Variants in FECH observed in about 807,000 individuals in gnomAD.
FECH encodes ferrochelatase.
In FECH, 40 loss-of-function variants were observed where a neutral mutation model predicts 56.9. That is an observed-to-expected ratio of 0.70 (90% CI 0.55 to 0.92). The LOEUF (loss-of-function observed/expected upper bound fraction) is 0.92. Ranked by LOEUF, FECH falls within the 40% of genes least tolerant of loss-of-function variation. FECH has a pLI of 0.00. For missense variants in FECH, 431 were observed against 529.1 expected (o/e 0.81, Z 1.82); for synonymous variants, 175 against 198.6 (o/e 0.88, Z 1.00).
At chr18:57,577,077 TAATA>T (rs1233064554) in intron 2 of FECH, among the ~76,000 whole-genome samples, 1 of 152,206 alleles carries the variant, frequency 6.6e-6, no homozygotes, top group African/African-American at 2.4e-5. Context: ...GCTTGTCAAT[TAATA>T]AACAATAATT....
intron 2 of FECH, among the ~76,000 whole-genome samples, chr18:57,574,954 A>G (rs569204709): frequency 6.6e-6 from 1 of 152,266 alleles, no homozygotes; most frequent in South Asian, 2.1e-4. Context: ...TTACCCCACA[A>G]AGAATCTTCG....
At chr18:57,551,659 T>C (rs1292950147) in intron 9 of FECH, among the ~76,000 whole-genome samples, 3 of 152,198 alleles carry the variant, frequency 2.0e-5, no homozygotes, top group African/African-American at 7.2e-5. Flanking sequence ...TTACACTTGA[T>C]GAAATTCTCA....
rs886053999 is a variant in FECH, at chr18:57,554,831, T to C, written c.912+14A>G. 1.6e-5 allele frequency: 25 copies of C among 1,607,886 alleles called. No homozygotes were observed. The African/African-American group carries it at 2.4e-4, about 15-fold the overall frequency. On this transcript the variant is annotated intron_variant, in intron 8 of 10. Transcript: ENST00000262093. Reference sequence around the variant, plus strand: ...AATAAGAGCTGGCCGCCCGCCAGTGTGGAAGCCACTTACCTTGGATTGCCA... The same window carrying C: ...AATAAGAGCTGGCCGCCCGCCAGTGCGGAAGCCACTTACCTTGGATTGCCA...
intron 1 of FECH, among the ~76,000 whole-genome samples, chr18:57,581,519 C>T (rs1390768297): frequency 6.6e-6 from 1 of 152,246 alleles, no homozygotes; most frequent in Non-Finnish European, 1.5e-5. Flanking sequence ...TGCGATCAGT[C>T]TCCTTCTGCC....
At position 57,549,424 on chromosome 18, in the gene FECH, T is replaced by TTAAAAAAAAAAAAAA. The variant is rs59569925; in HGVS notation, c.*1287_*1288insTTTTTTTTTTTTTTA. On this transcript the variant is annotated 3_prime_UTR_variant, in exon 11 of 11. Coordinates refer to ENST00000262093, the MANE Select transcript of FECH (RefSeq NM_000140.5). ...TAATACTTCCACTTTATAAACTGGCTAAAAAAAAAAAAAAAAAGAAACGCT... is the reference window on the plus strand; with the variant it reads ...TAATACTTCCACTTTATAAACTGGCTTAAAAAAAAAAAAAAAAAAAAAAAAAAAAAAAGAAACGCT... 2 of 141,704 alleles carry TTAAAAAAAAAAAAAA rather than the reference T, an allele frequency of 1.4e-5. No homozygotes were observed. The highest frequency in any genetic ancestry group is 2.6e-5 in the African/African-American group (1 of 38,386). The allele number at this position is 141,704 out of a possible 1,614,324, so 8.8% of individuals were successfully genotyped here.
chr18:57,567,686 G>C (rs2051036426), intron 4 of FECH, among the ~76,000 whole-genome samples: 1 of 152,236 alleles, frequency 6.6e-6, no homozygotes, highest in African/African-American at 2.4e-5. Context: ...TTAGGTTAAA[G>C]TGAAGGAAAA....
At chr18:57,580,242 G>A (rs2051257887) in intron 1 of FECH, 43 bp from the exon 2 acceptor site, 3 of 1,612,852 alleles carry the variant, frequency 1.9e-6, no homozygotes, top group African/African-American at 1.3e-5. Context: ...TAGCTAGAAA[G>A]TAATTTCTTC....
intron 1 of FECH, among the ~76,000 whole-genome samples, chr18:57,583,922 C>T (rs953138946): frequency 5.9e-5 from 9 of 152,198 alleles, no homozygotes; most frequent in African/African-American, 1.9e-4. Flanking sequence ...TGGCTCATGC[C>T]TGTAATCCTA....
chr18:57,561,401 C>T (rs1200254207), intron 6 of FECH, among the ~76,000 whole-genome samples: 1 of 152,170 alleles, frequency 6.6e-6, no homozygotes, highest in Non-Finnish European at 1.5e-5. Flanking sequence ...AAACACAAAT[C>T]ATATGGCTTG....
At chr18:57,571,706 T>C in intron 3 of FECH, 166 bp from the exon 4 acceptor site, 1 of 920,430 alleles carries the variant, frequency 1.1e-6, no homozygotes, top group Non-Finnish European at 1.6e-6. Flanking sequence ...GCTCTCTTGT[T>C]GTAGAATAAG....
At chr18:57,562,715 A>G (rs908562142) in intron 6 of FECH, among the ~76,000 whole-genome samples, 159 bp downstream of exon 6, 2 of 152,240 alleles carry the variant, frequency 1.3e-5, no homozygotes, top group African/African-American at 4.8e-5. Flanking sequence ...TTCTCTTTTC[A>G]TAATAAATCA....
chr18:57,559,016 T>G, intron 7 of FECH, 129 bp downstream of exon 7: 1 of 718,540 alleles, frequency 1.4e-6, no homozygotes, highest in South Asian at 1.5e-5. Context: ...GCACCAAGTC[T>G]GAGATTTGAG....
At chr18:57,572,426 A>T in intron 3 of FECH, among the ~76,000 whole-genome samples, 1 of 141,576 alleles carries the variant, frequency 7.1e-6, no homozygotes, top group East Asian at 2.3e-4. Context: ...GTGGGGGGAG[A>T]GGGGAGGGAT....
rs567814576 is a variant in FECH at position 57,547,591 on chromosome 18, T to C, written c.*3121A>G. On this transcript the variant is annotated 3_prime_UTR_variant, in exon 11 of 11. Coordinates refer to ENST00000262093, the MANE Select transcript of FECH (RefSeq NM_000140.5). Reference sequence around the variant, plus strand: ...CCTCAGAAAGCCGAACCGAGTCAATTAAACCTCTTTCCTTTGTAAATGACC... The same window carrying C: ...CCTCAGAAAGCCGAACCGAGTCAATCAAACCTCTTTCCTTTGTAAATGACC... Among the ~76,000 whole-genome samples the C allele has an allele frequency of 6.6e-6, 1 of 152,288 alleles. No individual in the cohort carries two copies. Among genetic ancestry groups the C allele is most frequent in the East Asian group, 1.9e-4 (1 of 5,178 alleles).
intron 9 of FECH, 65 bp from the exon 10 acceptor site, chr18:57,551,439 A>G: frequency 1.0e-5 from 13 of 1,258,266 alleles, no homozygotes; most frequent in Non-Finnish European, 1.4e-5. Context: ...TTTTTCAAAG[A>G]AACTGCTACA....
chr18:57,568,365 A>G (rs879559255), intron 4 of FECH, among the ~76,000 whole-genome samples: 43 of 152,360 alleles, frequency 2.8e-4, no homozygotes, highest in Admixed American at 2.2e-3. Context: ...AGTGAGACAG[A>G]GTAAAATACC....
intron 7 of FECH, 46 bp from the exon 8 acceptor site, chr18:57,554,998 G>A (rs2050850787): frequency 3.4e-6 from 5 of 1,450,574 alleles, no homozygotes; most frequent in Non-Finnish European, 3.9e-6. Context: ...CACTGGGAAG[G>A]CCCCGAGAGC....
In FECH at chr18:57,554,888, C is replaced by T. The variant is rs777810461; in HGVS notation, c.869G>A (p.Arg290Lys). 2.5e-6 allele frequency: 4 copies of T among 1,614,208 alleles called. No individual in the cohort carries two copies. The highest frequency in any genetic ancestry group is 1.7e-5 in the Admixed American group (1 of 60,022). ...TCGGTAGGGGTTGCAGTACTCCAGC[C>T]TTTCCATGACTTTTTGGACAGTGGC... ...VSATVQKVME[R>K]LEYCNPYRLV... Residue 290 changes from arginine (R) to lysine (K), a missense_variant, in exon 8 of 11, where the codon AGG becomes AAG. Coordinates refer to ENST00000262093, the MANE Select transcript of FECH (RefSeq NM_000140.5).
At chr18:57,574,230 G>A (rs2051154696) in intron 2 of FECH, among the ~76,000 whole-genome samples, 1 of 151,926 alleles carries the variant, frequency 6.6e-6, no homozygotes, top group Admixed American at 6.6e-5. Context: ...CTGACGTCAG[G>A]AGCCTGCCTC....
Sources: gnomAD v4.1 joint callset for allele counts (sites outside exome capture counted in the v4.1 genomes callset) on GRCh38, gnomAD v4.1.1 for gene constraint, MANE v1.5 for transcripts, NCBI Gene and HGNC (gene_info 2026-07-23, HGNC 2026-07-21) for gene names.